PDZD2: variants seen among roughly 807,000 people sequenced by gnomAD.
PDZD2 encodes the protein PDZ domain-containing protein 2.
In PDZD2, 90 loss-of-function variants were observed where a neutral mutation model predicts 220.7. That is an observed-to-expected ratio of 0.41 (90% CI 0.34 to 0.49). The LOEUF (loss-of-function observed/expected upper bound fraction) is 0.49, where lower values mean the gene tolerates loss of function less well. PDZD2 is among the 20% of genes least tolerant of loss of function. The probability of loss-of-function intolerance (pLI) is 0.28; values close to 1 mark genes in which losing one functional copy is unlikely to be tolerated. For synonymous variants in PDZD2, 1,375 were observed against 1,450.5 expected, an observed-to-expected ratio of 0.95 and a Z score of 1.18; for missense variants, 3,174 against 3,608.5, an observed-to-expected ratio of 0.88 and a Z score of 3.08.
chr5:31,770,999 G>A (rs1752309187), intron 1 of PDZD2, among the ~76,000 whole-genome samples: 1 of 152,130 alleles, frequency 6.6e-6, no homozygotes, highest in Non-Finnish European at 1.5e-5. Context: ...AATCATTAGG[G>A]AAGCTTGCTA....
At chr5:31,824,416 T>C (rs1279062974) in intron 2 of PDZD2, among the ~76,000 whole-genome samples, 14 of 152,232 alleles carry the variant, frequency 9.2e-5, no homozygotes, top group Admixed American at 9.2e-4. Context: ...GTTTTGCATG[T>C]ATAAATCTTG....
intron 2 of PDZD2, among the ~76,000 whole-genome samples, chr5:31,930,042 C>T (rs1174475158): frequency 1.3e-5 from 2 of 152,114 alleles, no homozygotes; most frequent in African/African-American, 4.8e-5. Context: ...GAAGTGCCTG[C>T]TTCTGCTCCC....
At chr5:31,893,824 A>C (rs1741282458) in intron 2 of PDZD2, among the ~76,000 whole-genome samples, 1 of 152,190 alleles carries the variant, frequency 6.6e-6, no homozygotes, top group South Asian at 2.1e-4. Flanking sequence ...TGGCTTAGAC[A>C]TTTGTTCACA....
chr5:31,671,006 G>T (rs1449597724), intron 1 of PDZD2, among the ~76,000 whole-genome samples: 1 of 151,982 alleles, frequency 6.6e-6, no homozygotes, highest in Non-Finnish European at 1.5e-5. Flanking sequence ...GCTTTTGGGG[G>T]CACGATTCCT....
chr5:32,022,974 C>T (rs1213965120), intron 6 of PDZD2, among the ~76,000 whole-genome samples: 2 of 151,980 alleles, frequency 1.3e-5, no homozygotes, highest in Non-Finnish European at 2.9e-5. Context: ...TGTACCTAGT[C>T]CCATTGAGAG....
Position 32,087,888 on chromosome 5 carries a change from C to A in PDZD2, c.4440C>A (p.Thr1480=). The A allele has an allele frequency of 6.2e-7, 1 of 1,612,948 alleles. No homozygotes were observed. Among genetic ancestry groups the A allele is most frequent in the East Asian group, 2.2e-5 (1 of 44,852 alleles). Residue 1480 remains threonine (T), a synonymous_variant, in exon 20 of 25, where the codon ACC becomes ACA. Transcript: ENST00000438447. This position sits in a 1 kb window ranked among gnomAD's most constrained non-coding sequence, Gnocchi z 4.0. ...CRAEPVPGGQ[T]SSPRRAWAAG... ...CCGAACCAGTCCCGGGGGGCCAGAC[C>A]TCCTCCCCGAGGAGGGCCTGGGCTG...
rs1385406004 is a variant in PDZD2 at position 31,839,744 on chromosome 5, C to T, written c.476+40020C>T. Among the ~76,000 whole-genome samples, 9 of 152,244 alleles carry T rather than the reference C, an allele frequency of 5.9e-5. No homozygotes were observed. The South Asian group carries it at 1.0e-3, about 18-fold the overall frequency. On this transcript the variant is annotated intron_variant, in intron 2 of 24. Coordinates refer to ENST00000438447, the MANE Select transcript of PDZD2 (RefSeq NM_178140.4). ...AATTGCAGTTCCTATAATCCCCATG[C>T]GGAGTGGGAGGGACCTGGTTGGAGG...
rs1179224163 is a variant in PDZD2, at chr5:31,763,520, A to G, written c.-360-35369A>G. On this transcript the variant is annotated intron_variant, in intron 1 of 24. Coordinates refer to ENST00000438447, the MANE Select transcript of PDZD2 (RefSeq NM_178140.4). The stretch of plus-strand genomic sequence containing the variant: ...AGGAAGGAACCACTTTGGCAAATTC[A>G]TCACTGGAATTTGAATGATGCGTAT... 2.0e-5 allele frequency among the ~76,000 whole-genome samples: 3 copies of G among 152,208 alleles called. No homozygotes were observed. The East Asian group carries it at 5.8e-4, about 29-fold the overall frequency.
intron 2 of PDZD2, among the ~76,000 whole-genome samples, chr5:31,879,060 T>C (rs1286842401): frequency 3.3e-5 from 5 of 151,874 alleles, no homozygotes; most frequent in African/African-American, 9.7e-5. Flanking sequence ...CTAATTACTG[T>C]CAGTGGTGGA....
At chr5:31,806,363 C>A (rs1171576961) in intron 2 of PDZD2, among the ~76,000 whole-genome samples, 5 of 152,168 alleles carry the variant, frequency 3.3e-5, no homozygotes, top group African/African-American at 1.2e-4. Context: ...AACTTCTGTA[C>A]CCCAGACCCG....
intron 2 of PDZD2, among the ~76,000 whole-genome samples, chr5:31,971,917 G>A (rs1561227545): frequency 6.6e-6 from 1 of 152,150 alleles, no homozygotes; most frequent in Admixed American, 6.5e-5. Context: ...CTCCAACACA[G>A]CAGGTATGAT....
intron 7 of PDZD2, among the ~76,000 whole-genome samples, chr5:32,047,909 A>G (rs2112283913): frequency 6.6e-6 from 1 of 152,374 alleles, no homozygotes; most frequent in Admixed American, 6.5e-5. Flanking sequence ...AAAATTAAAA[A>G]CAGATAAAAG....
In PDZD2 at chr5:31,983,386, C is replaced by G; in HGVS notation, c.708C>G (p.Gly236=). ...PANKAPEESK[G]SAGCEVSSDP... is the part of the protein sequence containing the mutation. Reference sequence around the variant, plus strand: ...ACAAGGCCCCTGAAGAATCCAAGGGCAGCGCTGGCTGTGAGGTGTCCAGTG... The same window carrying G: ...ACAAGGCCCCTGAAGAATCCAAGGGGAGCGCTGGCTGTGAGGTGTCCAGTG... The change falls in exon 3 of 25, where the codon GGC becomes GGG. Residue 236 remains glycine, a synonymous_variant. Transcript: ENST00000438447. The G allele has an allele frequency of 1.9e-6, 3 of 1,614,200 alleles. No homozygotes were observed. The highest frequency in any genetic ancestry group is 2.5e-6 in the Non-Finnish European group (3 of 1,180,028).
intron 10 of PDZD2, among the ~76,000 whole-genome samples, chr5:32,056,335 A>G (rs370956516): frequency 6.6e-6 from 1 of 151,188 alleles, no homozygotes; most frequent in Non-Finnish European, 1.5e-5. Context: ...TTGTGCACAC[A>G]GTGTGCTCCT....
chr5:31,869,354 T>C (rs1738531927), intron 2 of PDZD2, among the ~76,000 whole-genome samples: 1 of 152,070 alleles, frequency 6.6e-6, no homozygotes, highest in Non-Finnish European at 1.5e-5. Flanking sequence ...GCACAGTCCA[T>C]CTCTTTTTTT....
Position 32,101,235 on chromosome 5 carries a change from C to T in PDZD2, c.8349C>T (p.Tyr2783=). ...GGCCCTTGGTCATTAAAAGAGTGTA[C>T]AAAGGTAATGTTCTAGACAACTCAG... ...GDGPLVIKRV[Y]KGGAAEQAGI... Residue 2783 remains tyrosine, a synonymous_variant, in exon 24 of 25, where the codon TAC becomes TAT. Transcript: ENST00000438447. 6.2e-7 allele frequency: 1 copy of T among 1,610,428 alleles called. No individual in the cohort carries two copies. Among genetic ancestry groups the T allele is most frequent in the Non-Finnish European group, 8.5e-7 (1 of 1,177,882 alleles).
chr5:31,920,060 G>A (rs1465904236), intron 2 of PDZD2, among the ~76,000 whole-genome samples: 2 of 151,884 alleles, frequency 1.3e-5, no homozygotes, highest in South Asian at 2.1e-4. Context: ...GGCTAAAGTG[G>A]CCTTCTTGAG....
intron 6 of PDZD2, among the ~76,000 whole-genome samples, chr5:32,019,318 A>G (rs1754012823): frequency 6.6e-6 from 1 of 151,826 alleles, no homozygotes; most frequent in African/African-American, 2.4e-5. Flanking sequence ...ATTTCTTTGT[A>G]TATTTTGTAG....
At chr5:31,737,781 CT>C (rs1385866996) in intron 1 of PDZD2, among the ~76,000 whole-genome samples, 1 of 152,214 alleles carries the variant, frequency 6.6e-6, no homozygotes, top group Non-Finnish European at 1.5e-5. Flanking sequence ...GATAAATCTG[CT>C]TTAAAACTGT....
Sources: allele counts gnomAD v4.1 joint callset (sites outside exome capture counted in the v4.1 genomes callset), GRCh38; gene constraint gnomAD v4.1.1; non-coding constraint Gnocchi (gnomAD v3.1); transcripts MANE v1.5; gene names NCBI Gene and HGNC (gene_info 2026-07-23, HGNC 2026-07-21).